The following LGR5 variants were observed in gnomAD, a reference collection of about 807,000 sequenced individuals.
LGR5 encodes leucine-rich repeat-containing G protein-coupled receptor 5.
In LGR5, 54 loss-of-function variants were observed where a neutral mutation model predicts 76.7. The observed-to-expected ratio is 0.70, with a 90% CI of 0.57 to 0.88. LGR5 has a LOEUF of 0.88. LGR5 is among the 40% of genes least tolerant of loss of function. The pLI, the probability that LGR5 is intolerant of heterozygous loss-of-function variation, is 0.00. For missense variants in LGR5, 1,078 were observed against 1,073.3 expected (o/e 1.00, Z -0.06); for synonymous variants, 406 against 421.9 (o/e 0.96, Z 0.46).
At chr12:71,571,446 G>A in intron 11 of LGR5, 68 bp from the exon 12 acceptor site, 1 of 1,192,460 alleles carries the variant, frequency 8.4e-7, no homozygotes, top group Non-Finnish European at 1.2e-6. Context: ...GGGAAAAGGA[G>A]AGCAAAGCAT....
intron 6 of LGR5, among the ~76,000 whole-genome samples, chr12:71,556,990 T>A (rs1311509465): frequency 6.6e-6 from 1 of 152,112 alleles, no homozygotes; most frequent in Non-Finnish European, 1.5e-5. Context: ...CAAGGATCAC[T>A]CAGGCTCACT....
At chr12:71,494,317 A>G (rs1176766988) in intron 1 of LGR5, among the ~76,000 whole-genome samples, 2 of 150,628 alleles carry the variant, frequency 1.3e-5, no homozygotes, top group Admixed American at 6.6e-5. Context: ...GGCTAAAGCA[A>G]TCCTCCCACT....
rs1879220210 is a variant in LGR5, at chr12:71,584,206, C to T, written c.2196C>T (p.Leu732=). ...GCTACATGGTCGCTCTCATCTTGCT[C>T]AATTCCCTTTGCTTCCTCATGATGA... is the stretch of plus-strand genomic sequence containing the variant. ...TMGYMVALIL[L]NSLCFLMMTI... is the part of the protein sequence containing the mutation. Residue 732 remains leucine, a synonymous_variant, in exon 18 of 18, where the codon CTC becomes CTT. Transcript: ENST00000266674. 6.2e-7 allele frequency: 1 copy of T among 1,614,144 alleles called. No individual in the cohort carries two copies. Among genetic ancestry groups the T allele is most frequent in the Non-Finnish European group, 8.5e-7 (1 of 1,180,024 alleles).
At chr12:71,512,331 T>G (rs953026124) in intron 2 of LGR5, among the ~76,000 whole-genome samples, 2 of 152,208 alleles carry the variant, frequency 1.3e-5, no homozygotes, top group African/African-American at 4.8e-5. Context: ...CCTGTCCTAA[T>G]TCTGTCAACA....
At chr12:71,465,355 C>G (rs1872822497) in intron 1 of LGR5, among the ~76,000 whole-genome samples, 1 of 152,166 alleles carries the variant, frequency 6.6e-6, no homozygotes, top group African/African-American at 2.4e-5. Flanking sequence ...ATGGCCAACC[C>G]TCAGTAGGAT....
chr12:71,566,338 T>A, intron 8 of LGR5, 66 bp from the exon 9 acceptor site: 1 of 1,018,012 alleles, frequency 9.8e-7, no homozygotes, highest in Non-Finnish European at 1.5e-6. Context: ...TTGTTCAAAT[T>A]TTGAACAGAT....
chr12:71,562,094 T>C (rs1878089343), intron 8 of LGR5, among the ~76,000 whole-genome samples: 1 of 152,200 alleles, frequency 6.6e-6, no homozygotes. Flanking sequence ...ATCTTTAAAA[T>C]AATCTTGTAA....
rs186181925 is a variant in LGR5, at chr12:71,583,164, G to A, written c.1637-483G>A. On this transcript the variant is annotated intron_variant, in intron 17 of 17. Coordinates refer to ENST00000266674, the MANE Select transcript of LGR5 (RefSeq NM_003667.4). ...GAAGAGTTGATATTTTATTTTTAAC[G>A]AATAGATTGTCCCTTGCTCCCTAAC... Among the ~76,000 whole-genome samples, 66 of 152,184 alleles carry A rather than the reference G, an allele frequency of 4.3e-4. No individual in the cohort carries two copies. In the East Asian group the frequency reaches 9.3e-3, roughly 21 times the overall value.
At chr12:71,439,476 C>A (rs574721827), upstream of LGR5, among the ~76,000 whole-genome samples, 1 of 152,280 alleles carries the variant, frequency 6.6e-6, no homozygotes, top group South Asian at 2.1e-4. Flanking sequence ...CTCTCCGAAG[C>A]AGGTCCCTCT....
intron 2 of LGR5, among the ~76,000 whole-genome samples, chr12:71,522,550 A>G (rs1160368933): frequency 6.6e-6 from 1 of 152,150 alleles, no homozygotes; most frequent in African/African-American, 2.4e-5. Context: ...TCACAAATAT[A>G]TTTGGAAACA....
At chr12:71,502,880 A>G (rs7305554) in intron 1 of LGR5, among the ~76,000 whole-genome samples, 14,213 of 152,270 alleles carry the variant, frequency 0.093, 707 homozygotes, top group Non-Finnish European at 0.11. Flanking sequence ...TCTATTTAGA[A>G]CTTTCTGCAG....
Position 71,569,159 on chromosome 12 carries a change from C to T in LGR5, c.1070+2247C>T, listed in dbSNP as rs556799236. Among the ~76,000 whole-genome samples, 459 of 152,260 alleles carry T rather than the reference C, an allele frequency of 3.0e-3. 3 individuals are homozygous for T. Among genetic ancestry groups the T allele is most frequent in the South Asian group, 5.2e-3 (25 of 4,826 alleles). On this transcript the variant is annotated intron_variant, in intron 11 of 17. Coordinates refer to ENST00000266674, the MANE Select transcript of LGR5 (RefSeq NM_003667.4). The stretch of plus-strand genomic sequence containing the variant: ...TCCTTACACCTTATACAAAAATTAA[C>T]TCAAGATGGATTAAGACTTAAATGT...
chr12:71,551,416 T>C (rs1877477994), intron 4 of LGR5, among the ~76,000 whole-genome samples: 2 of 152,230 alleles, frequency 1.3e-5, no homozygotes, highest in Admixed American at 1.3e-4. Flanking sequence ...CTTAAATGCT[T>C]CCAAAAACAT....
At chr12:71,478,608 A>G (rs1372540483) in intron 1 of LGR5, among the ~76,000 whole-genome samples, 1 of 152,236 alleles carries the variant, frequency 6.6e-6, no homozygotes, top group Non-Finnish European at 1.5e-5. Flanking sequence ...TTATTCCCAT[A>G]GCATAATTTA....
At chr12:71,512,618 G>A (rs1374315745) in intron 2 of LGR5, among the ~76,000 whole-genome samples, 2 of 152,160 alleles carry the variant, frequency 1.3e-5, no homozygotes, top group Non-Finnish European at 2.9e-5. Flanking sequence ...ACAGACAAAG[G>A]CAGTCAGGGA....
chr12:71,523,835 CTCTT>C (rs1311532903), intron 2 of LGR5, among the ~76,000 whole-genome samples: 2 of 152,156 alleles, frequency 1.3e-5, no homozygotes, highest in Non-Finnish European at 2.9e-5. Context: ...ATACTAATCT[CTCTT>C]TGTTTTCAAT....
At chr12:71,543,230 T>C (rs1719915952) in intron 4 of LGR5, among the ~76,000 whole-genome samples, 2 of 152,214 alleles carry the variant, frequency 1.3e-5, no homozygotes, top group African/African-American at 2.4e-5. Flanking sequence ...TTCATCTCCC[T>C]GGCTCCAAAC....
At chr12:71,505,027 T>A (rs1874788278) in intron 2 of LGR5, among the ~76,000 whole-genome samples, 1 of 152,216 alleles carries the variant, frequency 6.6e-6, no homozygotes, top group Non-Finnish European at 1.5e-5. Context: ...TACTGGTTCA[T>A]GTTTATTAAA....
At position 71,464,197 on chromosome 12, in the gene LGR5, ACT is replaced by A. The variant is rs544331170; in HGVS notation, c.212+23908_212+23909del. ...TCCATGAAAAATATCTCAAAGGAAGACTCTAAAGAGACAGGAACTATATCTGT... is the reference window on the plus strand; with the variant it reads ...TCCATGAAAAATATCTCAAAGGAAGACTAAAGAGACAGGAACTATATCTGT... On this transcript the variant is annotated intron_variant, in intron 1 of 17. Coordinates refer to ENST00000266674, the MANE Select transcript of LGR5 (RefSeq NM_003667.4). Among the ~76,000 whole-genome samples, 25 of 152,274 alleles carry A rather than the reference ACT, an allele frequency of 1.6e-4. No individual in the cohort carries two copies. The East Asian group carries it at 1.9e-3, about 12-fold the overall frequency.
Sources: allele counts gnomAD v4.1 joint callset (sites outside exome capture counted in the v4.1 genomes callset), GRCh38; gene constraint gnomAD v4.1.1; transcripts MANE v1.5; gene names NCBI Gene and HGNC (gene_info 2026-07-23, HGNC 2026-07-21).